Variants in GABRA5 observed in about 807,000 individuals in gnomAD.
GABRA5 encodes gamma-aminobutyric acid receptor subunit alpha-5.
A neutral mutation model predicts 47.3 loss-of-function variants in GABRA5; 18 were observed. The ratio of observed to expected loss-of-function variants is 0.38; its 90% CI spans 0.26 to 0.56. The LOEUF is 0.56. Among genes scored for constraint, GABRA5 ranks in the 20% least tolerant of loss-of-function variants. The pLI, the probability that GABRA5 is intolerant of heterozygous loss-of-function variation, is 0.71. For synonymous variants in GABRA5, 237 were observed against 229.3 expected, an observed-to-expected ratio of 1.03 and a Z score of -0.30; for missense variants, 365 against 599.3, an observed-to-expected ratio of 0.61 and a Z score of 4.08.
intron 6 of GABRA5, among the ~76,000 whole-genome samples, chr15:26,896,985 G>GATGTAGAGAAAAAAATCTCTACATCTTAC (rs1893210896): frequency 3.0e-5 from 2 of 66,128 alleles, no homozygotes; most frequent in African/African-American, 8.7e-5. Context: ...CTACATCTTA[G>GATGTAGAGAAAAAAATCTCTACATCTTAC]AGATGTAGAG....
intron 7 of GABRA5, among the ~76,000 whole-genome samples, chr15:26,917,575 G>T (rs966709357): frequency 6.6e-6 from 1 of 152,036 alleles, no homozygotes; most frequent in African/African-American, 2.4e-5. Flanking sequence ...AGTAATGCAG[G>T]ACTCATAAGT....
rs914350662 is a variant in GABRA5, at chr15:26,906,486, T to C, written c.498-8317T>C. Among the ~76,000 whole-genome samples the C allele has an allele frequency of 3.3e-5, 5 of 152,304 alleles. No individual in the cohort carries two copies. In the East Asian group the frequency reaches 9.6e-4, roughly 29 times the overall value. On this transcript the variant is annotated intron_variant, in intron 6 of 10. Coordinates refer to ENST00000335625, the MANE Select transcript of GABRA5 (RefSeq NM_000810.4). ...TCTTTTTAGGTATTTTTTTAGTATG[T>C]GTCCAGCCCTGGGCATGCACGTGAC...
chr15:26,882,030 C>T (rs971137623), intron 4 of GABRA5, among the ~76,000 whole-genome samples: 8 of 152,176 alleles, frequency 5.3e-5, no homozygotes, highest in African/African-American at 1.9e-4. Context: ...GGGAGATCCA[C>T]TTAAAGCATG....
chr15:26,937,457 G>A, intron 8 of GABRA5, 129 bp downstream of exon 8: 1 of 970,100 alleles, frequency 1.0e-6, no homozygotes, highest in South Asian at 1.8e-5. Context: ...CACACAACCT[G>A]TCCTGGCCAG....
At chr15:26,901,230 C>T (rs1444241228) in intron 6 of GABRA5, among the ~76,000 whole-genome samples, 4 of 152,124 alleles carry the variant, frequency 2.6e-5, no homozygotes, top group African/African-American at 9.7e-5. Context: ...TAAGAAGTTG[C>T]CAAGCTGCCT....
At chr15:26,882,002 G>C (rs1892741197) in intron 4 of GABRA5, among the ~76,000 whole-genome samples, 1 of 152,288 alleles carries the variant, frequency 6.6e-6, no homozygotes, top group Non-Finnish European at 1.5e-5. Context: ...GCCCCGCCTA[G>C]TATTTGCATT....
intron 6 of GABRA5, among the ~76,000 whole-genome samples, chr15:26,894,566 TCTC>T (rs199783395): frequency 0.013 from 1,921 of 152,268 alleles, 35 homozygotes; most frequent in African/African-American, 0.044. Flanking sequence ...TCAAGCCTCT[TCTC>T]CTGGTCAAAT....
chr15:26,871,980 C>T (rs888350677), intron 3 of GABRA5, among the ~76,000 whole-genome samples: 4 of 152,162 alleles, frequency 2.6e-5, no homozygotes, highest in East Asian at 1.9e-4. Context: ...TGACCCTGCG[C>T]GCCCAATTGC....
intron 8 of GABRA5, 60 bp downstream of exon 8, chr15:26,937,388 G>C: frequency 6.6e-7 from 1 of 1,511,190 alleles, no homozygotes; most frequent in African/African-American, 1.4e-5. Context: ...CCCTTGGAGA[G>C]CTTGCTGCTC....
At chr15:26,936,572 A>G (rs1048048763) in intron 7 of GABRA5, among the ~76,000 whole-genome samples, 15 of 152,222 alleles carry the variant, frequency 9.9e-5, no homozygotes, top group African/African-American at 3.4e-4. Context: ...TCCATGTGCA[A>G]CAGTGTCTTT....
chr15:26,868,649 G>A (rs1413014393), intron 1 of GABRA5, 80 bp from the exon 2 acceptor site: 1 of 152,822 alleles, frequency 6.5e-6, no homozygotes, highest in African/African-American at 2.4e-5. Flanking sequence ...TTTATAGGCA[G>A]TTGTCACAGT....
chr15:26,876,122 C>CACCT, intron 3 of GABRA5, among the ~76,000 whole-genome samples: 1 of 152,264 alleles, frequency 6.6e-6, no homozygotes, highest in South Asian at 2.1e-4. Flanking sequence ...TTTGCTCCAT[C>CACCT]ACCTGCCTAT....
intron 6 of GABRA5, among the ~76,000 whole-genome samples, chr15:26,906,338 A>T (rs1893443534): frequency 6.6e-6 from 1 of 152,192 alleles, no homozygotes; most frequent in African/African-American, 2.4e-5. Flanking sequence ...GTCTTTGCAG[A>T]TAGGGTCTGT....
At chr15:26,877,553 G>A (rs375866243) in intron 3 of GABRA5, 4 of 362,478 alleles carry the variant, frequency 1.1e-5, no homozygotes, top group Non-Finnish European at 1.6e-5. Context: ...TGCCATTATC[G>A]AACTCACTGT....
chr15:26,919,707 A>G (rs536758408), intron 7 of GABRA5, among the ~76,000 whole-genome samples: 2 of 152,268 alleles, frequency 1.3e-5, no homozygotes, highest in South Asian at 4.1e-4. Flanking sequence ...CTGTGTAAAT[A>G]CCTTTCCCAA....
chr15:26,874,580 C>A (rs1892548051), intron 3 of GABRA5, among the ~76,000 whole-genome samples: 2 of 152,132 alleles, frequency 1.3e-5, no homozygotes, highest in Non-Finnish European at 2.9e-5. Context: ...ATATCCTAAT[C>A]TAGAACTCAC....
rs138595038 is a variant in GABRA5, at chr15:26,918,446, G to T, written c.580+3561G>T. On this transcript the variant is annotated intron_variant, in intron 7 of 10. Coordinates refer to ENST00000335625, the MANE Select transcript of GABRA5 (RefSeq NM_000810.4). ...TGTGCTTTAGAAAAATGTGTATTCT[G>T]CTGCAGGTGAAATGTTTTATGTATG... Among the ~76,000 whole-genome samples, 792 of 152,238 alleles carry T rather than the reference G, an allele frequency of 5.2e-3. 8 individuals are homozygous for T. Among genetic ancestry groups the T allele is most frequent in the African/African-American group, 0.018 (752 of 41,558 alleles).
chr15:26,919,617 C>T (rs547896375), intron 7 of GABRA5, among the ~76,000 whole-genome samples: 50 of 152,010 alleles, frequency 3.3e-4, no homozygotes, highest in East Asian at 1.5e-3. Context: ...GACTTTTATA[C>T]GAGAATTAAA....
intron 6 of GABRA5, among the ~76,000 whole-genome samples, chr15:26,893,741 A>C (rs9745147): frequency 0.86 from 130,660 of 151,946 alleles, 56,529 homozygotes; most frequent in Non-Finnish European, 0.9. Context: ...TCTGGGGGTG[A>C]GGGGAGCAGG....
Sources: gnomAD v4.1 joint callset for allele counts (sites outside exome capture counted in the v4.1 genomes callset) on GRCh38, gnomAD v4.1.1 for gene constraint, MANE v1.5 for transcripts, NCBI Gene and HGNC (gene_info 2026-07-23, HGNC 2026-07-21) for gene names.